Variants in LDB2 observed in about 807,000 individuals in gnomAD.
LDB2 encodes LIM domain-binding protein 2.
LDB2 carries 12 observed loss-of-function variants against 44.3 expected under a neutral mutation model. That is an observed-to-expected ratio of 0.27 (90% CI 0.17 to 0.44). The LOEUF is 0.44. Ranked by LOEUF, LDB2 falls within the 20% of genes least tolerant of loss-of-function variation. LDB2 has a pLI of 1.00. For synonymous variants in LDB2, 164 were observed against 174.8 expected, an observed-to-expected ratio of 0.94 and a Z score of 0.49; for missense variants, 344 against 473.5, an observed-to-expected ratio of 0.73 and a Z score of 2.54.
chr4:16,608,206 C>CAAAAAA (rs71649969), intron 2 of LDB2, among the ~76,000 whole-genome samples: 6 of 68,488 alleles, frequency 8.8e-5, no homozygotes, highest in East Asian at 4.4e-4. Context: ...CACACTTCTT[C>CAAAAAA]AAAAAAAAAA....
chr4:16,629,078 G>C lies in LDB2; in HGVS notation c.236-33203C>G, dbSNP rs541828688. ...GGGGCATCCGCCATTGCTGAGGCTTGAGTAGGTGGTTCTATGCTCACAGTG... is the reference window on the plus strand; with the variant it reads ...GGGGCATCCGCCATTGCTGAGGCTTCAGTAGGTGGTTCTATGCTCACAGTG... On this transcript the variant is annotated intron_variant, in intron 2 of 7. Coordinates refer to ENST00000304523, the MANE Select transcript of LDB2 (RefSeq NM_001290.5). Among the ~76,000 whole-genome samples, 5 of 152,322 alleles carry C rather than the reference G, an allele frequency of 3.3e-5. No homozygotes were observed. In the South Asian group the frequency reaches 1.0e-3, roughly 32 times the overall value.
chr4:16,890,965 T>C (rs535204163), intron 1 of LDB2, among the ~76,000 whole-genome samples: 4 of 152,318 alleles, frequency 2.6e-5, no homozygotes, highest in Admixed American at 1.3e-4. Flanking sequence ...GCCAAACCTG[T>C]TGGAAGTTCT....
chr4:16,890,976 T>C (rs1485036941), intron 1 of LDB2, among the ~76,000 whole-genome samples: 1 of 152,176 alleles, frequency 6.6e-6, no homozygotes, highest in Non-Finnish European at 1.5e-5. Context: ...TGGAAGTTCT[T>C]TCCCCTTTAT....
intron 1 of LDB2, among the ~76,000 whole-genome samples, chr4:16,898,070 G>C (rs1333033297): frequency 6.6e-6 from 1 of 151,170 alleles, no homozygotes; most frequent in Non-Finnish European, 1.5e-5. Flanking sequence ...CTCAGAGCCT[G>C]TAAAACACCA....
chr4:16,689,024 C>T (rs1182756740), intron 2 of LDB2, among the ~76,000 whole-genome samples: 3 of 152,184 alleles, frequency 2.0e-5, no homozygotes, highest in Non-Finnish European at 2.9e-5. Context: ...CTGAGACCAT[C>T]GCTAGGGGAC....
At chr4:16,813,344 T>C (rs1009202450) in intron 1 of LDB2, among the ~76,000 whole-genome samples, 9 of 152,162 alleles carry the variant, frequency 5.9e-5, no homozygotes, top group Admixed American at 5.2e-4. Flanking sequence ...AATAGGGTTT[T>C]TGTGGGGATT....
rs549831357 is a variant in LDB2, at chr4:16,858,840, C to T, written c.132+39514G>A. 2.9e-4 allele frequency among the ~76,000 whole-genome samples: 44 copies of T among 152,234 alleles called. No homozygotes were observed. In the South Asian group the frequency reaches 5.0e-3, roughly 17 times the overall value. On this transcript the variant is annotated intron_variant, in intron 1 of 7. Coordinates refer to ENST00000304523, the MANE Select transcript of LDB2 (RefSeq NM_001290.5). ...AACTGCGTCAATACACAATTCTTTC[C>T]GTATCGTTGCCCAAGTTCTTTACGA...
At chr4:16,746,082 A>G (rs1764325763) in intron 2 of LDB2, among the ~76,000 whole-genome samples, 1 of 152,114 alleles carries the variant, frequency 6.6e-6, no homozygotes, top group Admixed American at 6.5e-5. Flanking sequence ...ACCAAGTACT[A>G]CTCAGCAAAT....
chr4:16,857,327 C>T (rs1185113344), intron 1 of LDB2, among the ~76,000 whole-genome samples: 3 of 152,202 alleles, frequency 2.0e-5, no homozygotes, highest in Non-Finnish European at 2.9e-5. Context: ...TCCACTTCTA[C>T]TACTCACATC....
intron 5 of LDB2, among the ~76,000 whole-genome samples, chr4:16,528,880 G>A (rs780757051): frequency 8.5e-5 from 13 of 152,088 alleles, no homozygotes; most frequent in Non-Finnish European, 1.6e-4. Context: ...AGAGAGACAC[G>A]TGTCATGACA....
chr4:16,866,159 C>T (rs1714637802), intron 1 of LDB2, among the ~76,000 whole-genome samples: 1 of 152,044 alleles, frequency 6.6e-6, no homozygotes, highest in Non-Finnish European at 1.5e-5. Flanking sequence ...TTTCTTTCCG[C>T]GAAGTGCCAT....
chr4:16,608,613 A>G (rs904320318), intron 2 of LDB2, among the ~76,000 whole-genome samples: 10 of 152,210 alleles, frequency 6.6e-5, no homozygotes, highest in African/African-American at 2.4e-4. Flanking sequence ...TTACAGCAGC[A>G]CGTCACTAAT....
At chr4:16,858,032 AGATT>A (rs1426379853) in intron 1 of LDB2, among the ~76,000 whole-genome samples, 1 of 152,200 alleles carries the variant, frequency 6.6e-6, no homozygotes, top group Non-Finnish European at 1.5e-5. Flanking sequence ...GTCCCTCACA[AGATT>A]GATATTAATA....
At chr4:16,700,840 T>C (rs961918523) in intron 2 of LDB2, among the ~76,000 whole-genome samples, 2 of 152,226 alleles carry the variant, frequency 1.3e-5, no homozygotes, top group Non-Finnish European at 2.9e-5. Context: ...CCCTATTGAA[T>C]AGATCAGAAT....
At chr4:16,684,088 T>C (rs1396001500) in intron 2 of LDB2, among the ~76,000 whole-genome samples, 1 of 152,228 alleles carries the variant, frequency 6.6e-6, no homozygotes, top group African/African-American at 2.4e-5. Context: ...CTTTCCTCCA[T>C]GGAAAATGGG....
At chr4:16,812,465 C>T (rs1025017594) in intron 1 of LDB2, among the ~76,000 whole-genome samples, 1 of 151,654 alleles carries the variant, frequency 6.6e-6, no homozygotes, top group Non-Finnish European at 1.5e-5. Context: ...ATCTGTCCAC[C>T]GGGGGAGATA....
At chr4:16,805,440 A>G (rs947718243) in intron 1 of LDB2, among the ~76,000 whole-genome samples, 1 of 152,232 alleles carries the variant, frequency 6.6e-6, no homozygotes, top group African/African-American at 2.4e-5. Flanking sequence ...CACAGCACAC[A>G]CATCCACTTT....
intron 3 of LDB2, among the ~76,000 whole-genome samples, chr4:16,593,068 AT>A (rs35617050): frequency 0.3 from 45,540 of 152,022 alleles, 6,923 homozygotes; most frequent in South Asian, 0.35. Flanking sequence ...GGAAATTGCA[AT>A]AATGCTCATG....
intron 1 of LDB2, among the ~76,000 whole-genome samples, chr4:16,849,275 C>A (rs557329942): frequency 2.6e-5 from 4 of 152,142 alleles, no homozygotes; most frequent in Non-Finnish European, 4.4e-5. Context: ...ACTTCTGTGA[C>A]CACCCCAACT....
Sources: allele counts gnomAD v4.1 joint callset (sites outside exome capture counted in the v4.1 genomes callset), GRCh38; gene constraint gnomAD v4.1.1; transcripts MANE v1.5; gene names NCBI Gene and HGNC (gene_info 2026-07-23, HGNC 2026-07-21).